The following NBEAL1 variants were observed in gnomAD, a reference collection of about 807,000 sequenced individuals.
The protein encoded by NBEAL1 is neurobeachin-like protein 1.
A neutral mutation model predicts 351.3 loss-of-function variants in NBEAL1; 273 were observed. The ratio of observed to expected loss-of-function variants is 0.78; its 90% CI spans 0.70 to 0.86. NBEAL1 has a LOEUF of 0.86. NBEAL1 is among the 40% of genes least tolerant of loss of function. NBEAL1 has a pLI of 0.00. For synonymous variants in NBEAL1, 1,050 were observed against 1,086.4 expected, an observed-to-expected ratio of 0.97 and a Z score of 0.66; for missense variants, 2,961 against 3,201.3, an observed-to-expected ratio of 0.92 and a Z score of 1.81.
In NBEAL1 at chr2:203,217,300, G is replaced by A. The variant is rs759342330; in HGVS notation, c.8118G>A (p.Arg2706=). Reference sequence around the variant, plus strand: ...GAAAATTTTGGGGATCGAGCAAGCGGCTCAGCCAGATTTCAGCTGGAGAAA... The same window carrying A: ...GAAAATTTTGGGGATCGAGCAAGCGACTCAGCCAGATTTCAGCTGGAGAAA... ...LSRKFWGSSK[R]LSQISAGETE... Residue 2706 remains arginine, a synonymous_variant, in exon 56 of 56, where the codon CGG becomes CGA. Transcript: ENST00000683969. 7 of 1,601,426 alleles carry A rather than the reference G, an allele frequency of 4.4e-6. No individual in the cohort carries two copies. The highest frequency in any genetic ancestry group is 4.3e-6 in the Non-Finnish European group (5 of 1,173,510).
At chr2:203,114,372 T>A (rs1038802940) in intron 17 of NBEAL1, among the ~76,000 whole-genome samples, 1 of 152,226 alleles carries the variant, frequency 6.6e-6, no homozygotes, top group South Asian at 2.1e-4. Flanking sequence ...GCTTCCAAAA[T>A]CATGAGCCTT....
At chr2:203,164,159 C>A (rs1243905346) in intron 36 of NBEAL1, among the ~76,000 whole-genome samples, 1 of 151,144 alleles carries the variant, frequency 6.6e-6, no homozygotes, top group Non-Finnish European at 1.5e-5. Flanking sequence ...CCTTTTTTGG[C>A]ATGTCAAATA....
At chr2:203,065,244 G>C (rs1205420351) in intron 6 of NBEAL1, among the ~76,000 whole-genome samples, 2 of 152,090 alleles carry the variant, frequency 1.3e-5, no homozygotes, top group Non-Finnish European at 2.9e-5. Flanking sequence ...GGACAATAGA[G>C]CAAGACACTG....
intron 35 of NBEAL1, among the ~76,000 whole-genome samples, chr2:203,154,934 CAAA>C (rs55890648): frequency 3.2e-5 from 3 of 92,712 alleles, no homozygotes; most frequent in African/African-American, 4.5e-5. Flanking sequence ...GACCTTGTCT[CAAA>C]AAAAAAAAAA....
chr2:203,217,157 T>C (rs1443303724), intron 55 of NBEAL1, 96 bp from the exon 56 acceptor site: 5 of 874,550 alleles, frequency 5.7e-6, no homozygotes, highest in Non-Finnish European at 8.0e-6. Flanking sequence ...GCTAACAATT[T>C]GTTTCTTTTC....
intron 3 of NBEAL1, among the ~76,000 whole-genome samples, chr2:203,043,728 CAAA>C (rs762609803): frequency 1.1e-4 from 7 of 62,996 alleles, no homozygotes; most frequent in Non-Finnish European, 9.9e-5. Context: ...AACCCTGTCT[CAAA>C]AAAAAAAAAA....
intron 7 of NBEAL1, among the ~76,000 whole-genome samples, chr2:203,076,547 G>A (rs2061777251): frequency 7.0e-6 from 1 of 142,550 alleles, no homozygotes; most frequent in Admixed American, 7.0e-5. Context: ...AAGTTAAAAA[G>A]CAAAAAAAGT....
chr2:203,026,356 T>C (rs1271601866), intron 2 of NBEAL1, among the ~76,000 whole-genome samples: 3 of 152,248 alleles, frequency 2.0e-5, no homozygotes, highest in Non-Finnish European at 2.9e-5. Context: ...ATACAATTAC[T>C]AAGAATAGTT....
intron 42 of NBEAL1, among the ~76,000 whole-genome samples, chr2:203,178,565 G>T (rs1252212154): frequency 6.6e-6 from 1 of 152,092 alleles, no homozygotes; most frequent in Non-Finnish European, 1.5e-5. Context: ...ATATTATTTG[G>T]CCATGAATGA....
intron 35 of NBEAL1, among the ~76,000 whole-genome samples, chr2:203,156,988 A>G (rs1024693204): frequency 3.9e-5 from 6 of 152,156 alleles, no homozygotes; most frequent in Admixed American, 6.5e-5. Flanking sequence ...GATGTTTCAC[A>G]TATATTACCT....
At position 203,188,584 on chromosome 2, in the gene NBEAL1, A is replaced by C. The variant is rs2064980568; in HGVS notation, c.6818A>C (p.Tyr2273Ser). ...CTCAACGTTTTCTATTATTGTAGTT[A>C]TGAAGGTATAAATCTATACACTTTT... ...EALNVFYYCS[Y>S]EGAVDLDALT... is the part of the protein sequence containing the mutation. The change falls in exon 45 of 56, where the codon TAT becomes TCT. Residue 2273 changes from tyrosine (Y) to serine (S), a missense_variant. Coordinates refer to ENST00000683969, the MANE Select transcript of NBEAL1 (RefSeq NM_001378026.1). 6.4e-7 allele frequency: 1 copy of C among 1,563,938 alleles called. No homozygotes were observed. Among genetic ancestry groups the C allele is most frequent in the Non-Finnish European group, 8.8e-7 (1 of 1,140,486 alleles).
chr2:203,097,818 T>C (rs1436488111), intron 11 of NBEAL1, among the ~76,000 whole-genome samples, 185 bp downstream of exon 11: 2 of 152,216 alleles, frequency 1.3e-5, no homozygotes, highest in Non-Finnish European at 2.9e-5. Context: ...ATAAATATCT[T>C]GGTGGTTGAT....
At chr2:203,128,565 C>T (rs1443847270) in intron 24 of NBEAL1, among the ~76,000 whole-genome samples, 4 of 150,240 alleles carry the variant, frequency 2.7e-5, no homozygotes, top group African/African-American at 4.9e-5. Flanking sequence ...TACTTAGCAT[C>T]GAAGTTATCA....
At chr2:203,108,421 CAG>C (rs2062485994) in intron 14 of NBEAL1, among the ~76,000 whole-genome samples, 1 of 150,334 alleles carries the variant, frequency 6.7e-6, no homozygotes, top group Non-Finnish European at 1.5e-5. Flanking sequence ...TTTTTTGAGA[CAG>C]AGTCTGGCTC....
At position 203,220,338 on chromosome 2, in the gene NBEAL1, G is replaced by A. The variant is rs940953045; in HGVS notation, c.*2984G>A. Among the ~76,000 whole-genome samples, 1 of 152,064 alleles carries A rather than the reference G, an allele frequency of 6.6e-6. No homozygotes were observed. The highest frequency in any genetic ancestry group is 2.1e-4 in the South Asian group (1 of 4,826). On this transcript the variant is annotated 3_prime_UTR_variant, in exon 56 of 56. Coordinates refer to ENST00000683969, the MANE Select transcript of NBEAL1 (RefSeq NM_001378026.1). The stretch of plus-strand genomic sequence containing the variant: ...GTCTCTACTAAAAATACAAAAATTT[G>A]CTGGGCATGGTGGCAGGTGCCTGTA...
intron 36 of NBEAL1, among the ~76,000 whole-genome samples, chr2:203,162,999 A>G (rs1456578644): frequency 6.6e-6 from 1 of 152,186 alleles, no homozygotes; most frequent in African/African-American, 2.4e-5. Context: ...TCTACTAAAA[A>G]TACAAAAATT....
intron 38 of NBEAL1, among the ~76,000 whole-genome samples, chr2:203,169,328 G>T (rs1362128714): frequency 2.0e-5 from 3 of 149,446 alleles, no homozygotes; most frequent in Non-Finnish European, 4.4e-5. Context: ...TTCTATTTGA[G>T]GTGATAAAAA....
At chr2:203,145,635 T>A (rs1485756983) in intron 33 of NBEAL1, among the ~76,000 whole-genome samples, 1 of 151,352 alleles carries the variant, frequency 6.6e-6, no homozygotes, top group African/African-American at 2.4e-5. Context: ...CCACCTCTAC[T>A]GAAAATACAA....
chr2:203,095,445 C>T (rs1298550683), intron 10 of NBEAL1, among the ~76,000 whole-genome samples: 1 of 151,612 alleles, frequency 6.6e-6, no homozygotes, highest in East Asian at 2.0e-4. Context: ...CAGGCATGCA[C>T]CACTACTCCC....
Sources: allele counts gnomAD v4.1 joint callset (sites outside exome capture counted in the v4.1 genomes callset), GRCh38; gene constraint gnomAD v4.1.1; transcripts MANE v1.5; gene names NCBI Gene and HGNC (gene_info 2026-07-23, HGNC 2026-07-21).